EPRS1: variants seen among roughly 807,000 people sequenced by gnomAD.
The protein encoded by EPRS1 is glutamyl-prolyl-tRNA synthetase 1.
In EPRS1, 107 loss-of-function variants were observed where a neutral mutation model predicts 188.3. That is an observed-to-expected ratio of 0.57 (90% CI 0.49 to 0.67). The LOEUF is 0.67. EPRS1 is among the 30% of genes least tolerant of loss of function. EPRS1 has a pLI of 0.00. For missense variants in EPRS1, 1,577 were observed against 1,802.2 expected, an observed-to-expected ratio of 0.88 and a Z score of 2.26; for synonymous variants, 596 against 593.1, an observed-to-expected ratio of 1.00 and a Z score of -0.07.
chr1:219,993,087 T>C (rs115961540), intron 18 of EPRS1, among the ~76,000 whole-genome samples: 89 of 152,074 alleles, frequency 5.9e-4, no homozygotes, highest in African/African-American at 2.1e-3. Flanking sequence ...ATACAAAAAT[T>C]AGCCAGGCAT....
intron 10 of EPRS1, among the ~76,000 whole-genome samples, chr1:220,019,402 G>T (rs1351765653): frequency 6.6e-6 from 1 of 152,040 alleles, no homozygotes. Flanking sequence ...CATTTTCAAG[G>T]TCCCTATTCC....
chr1:220,027,741 G>A (rs770367603), intron 6 of EPRS1, among the ~76,000 whole-genome samples: 64 of 152,130 alleles, frequency 4.2e-4, no homozygotes, highest in African/African-American at 1.3e-3. Flanking sequence ...CCGACACTAT[G>A]GGAGGCCAAG....
intron 2 of EPRS1, among the ~76,000 whole-genome samples, 193 bp from the exon 3 acceptor site, chr1:220,035,206 A>G (rs1221640202): frequency 2.0e-5 from 3 of 152,182 alleles, no homozygotes; most frequent in African/African-American, 7.2e-5. Context: ...GCTGGAGTGC[A>G]ATGGTGTGAT....
chr1:220,040,764 C>A (rs138100361), intron 1 of EPRS1, among the ~76,000 whole-genome samples: 1 of 151,292 alleles, frequency 6.6e-6, no homozygotes, highest in Non-Finnish European at 1.5e-5. Context: ...GCAGGAGAAT[C>A]GCTTGAACCT....
chr1:220,040,633 C>A (rs1290427977), intron 1 of EPRS1, among the ~76,000 whole-genome samples: 2 of 151,698 alleles, frequency 1.3e-5, no homozygotes, highest in African/African-American at 4.8e-5. Context: ...GGCGGATCAC[C>A]TGAGGACAGG....
At chr1:219,998,037 T>G (rs2795314) in intron 17 of EPRS1, among the ~76,000 whole-genome samples, 121,980 of 152,090 alleles carry the variant, frequency 0.8, 49,082 homozygotes, top group East Asian at 0.93. Context: ...AAGATACTAT[T>G]TTTATTCATG....
At chr1:220,035,157 T>A (rs574341788) in intron 2 of EPRS1, 144 bp from the exon 3 acceptor site, 376 of 542,682 alleles carry the variant, frequency 6.9e-4, no homozygotes, top group Non-Finnish European at 9.5e-5. Context: ...CTGTTAATTG[T>A]TTGTTTGTTT....
Position 220,011,021 on chromosome 1 carries a change from T to C in EPRS1, c.1530A>G (p.Leu510=), listed in dbSNP as rs1452055098. 1 of 1,613,200 alleles carries C rather than the reference T, an allele frequency of 6.2e-7. No homozygotes were observed. The highest frequency in any genetic ancestry group is 1.6e-4 in the Middle Eastern group (1 of 6,062). The change falls in exon 13 of 32, where the codon TTA becomes TTG. Residue 510 remains leucine (L), a synonymous_variant. Coordinates refer to ENST00000366923, the MANE Select transcript of EPRS1 (RefSeq NM_004446.3). ...TCACTGGGATCACTTCTTTCTTCAGTAATGCAACATATCGTGGAGCCACTG... is the reference window on the plus strand; with the variant it reads ...TCACTGGGATCACTTCTTTCTTCAGCAATGCAACATATCGTGGAGCCACTG... The part of the protein sequence containing the change: ...IDPVAPRYVA[L]LKKEVIPVNV...
chr1:219,990,385 TGA>T (rs1661097033), intron 18 of EPRS1, among the ~76,000 whole-genome samples: 1 of 152,168 alleles, frequency 6.6e-6, no homozygotes, highest in Non-Finnish European at 1.5e-5. Flanking sequence ...TAAAGATTCT[TGA>T]GAGAATTTGA....
chr1:219,976,211 G>A (rs1337636673), intron 28 of EPRS1, among the ~76,000 whole-genome samples: 1 of 152,074 alleles, frequency 6.6e-6, no homozygotes, highest in African/African-American at 2.4e-5. Flanking sequence ...GGAAACCATG[G>A]ATCCATAAAA....
At chr1:219,982,895 G>T in intron 22 of EPRS1, 51 bp from the exon 23 acceptor site, 1 of 1,509,620 alleles carries the variant, frequency 6.6e-7, no homozygotes, top group Non-Finnish European at 9.2e-7. Flanking sequence ...GCATTTTGGA[G>T]CAACAGTACA....
At chr1:220,011,145 G>A in intron 12 of EPRS1, 89 bp from the exon 13 acceptor site, 1 of 704,464 alleles carries the variant, frequency 1.4e-6, no homozygotes, top group South Asian at 1.9e-5. Context: ...AATACTAACT[G>A]GCTTTCTTGT....
chr1:219,969,198 T>C (rs1340523116), intron 30 of EPRS1, 76 bp from the exon 31 acceptor site: 1 of 1,065,206 alleles, frequency 9.4e-7, no homozygotes, highest in Non-Finnish European at 1.4e-6. Flanking sequence ...ATTTGAGTTC[T>C]ATATTAAACT....
intron 1 of EPRS1, 112 bp from the exon 2 acceptor site, chr1:220,040,381 G>A (rs1220195365): frequency 2.9e-6 from 2 of 682,576 alleles, no homozygotes; most frequent in East Asian, 2.7e-5. Flanking sequence ...CCTACAAGGA[G>A]TGAACTTTTT....
intron 2 of EPRS1, among the ~76,000 whole-genome samples, chr1:220,037,280 G>A (rs555096372): frequency 5.1e-4 from 77 of 151,950 alleles, no homozygotes; most frequent in Non-Finnish European, 8.7e-4. Context: ...CGAGGTGGGC[G>A]GATCACCTGA....
Position 219,983,299 on chromosome 1 carries a change from A to G in EPRS1, c.3190T>C (p.Phe1064Leu), listed in dbSNP as rs750547439. The G allele has an allele frequency of 3.7e-6, 6 of 1,613,780 alleles. No homozygotes were observed. In the South Asian group the frequency reaches 6.6e-5, roughly 18 times the overall value. ...YAIWEAIKDF[F>L]DAEIKKLGVE... The stretch of plus-strand genomic sequence containing the variant: ...CCAAGTTTCTTGATCTCAGCATCAA[A>G]AAAGTCCTTGATGGCTTCCCAAATG... Residue 1064 changes from phenylalanine to leucine, a missense_variant, in exon 22 of 32, where the codon TTT becomes CTT. Phe to Leu is a conservative substitution (Grantham distance 22). Coordinates refer to ENST00000366923, the MANE Select transcript of EPRS1 (RefSeq NM_004446.3).
intron 28 of EPRS1, among the ~76,000 whole-genome samples, chr1:219,976,209 T>C (rs1239941134): frequency 6.6e-6 from 1 of 152,062 alleles, no homozygotes; most frequent in Non-Finnish European, 1.5e-5. Context: ...CTGGAAACCA[T>C]GGATCCATAA....
chr1:219,978,712 A>C lies in EPRS1; in HGVS notation c.3917T>G (p.Ile1306Ser). 6.2e-7 allele frequency: 1 copy of C among 1,609,718 alleles called. No individual in the cohort carries two copies. The highest frequency in any genetic ancestry group is 8.5e-7 in the Non-Finnish European group (1 of 1,177,854). The change falls in exon 28 of 32, where the codon ATT (isoleucine) becomes AGT (serine). Residue 1306 changes from isoleucine (I) to serine (S), a missense_variant. Physicochemically the swap from Ile to Ser is moderately radical, Grantham distance 142. Around this residue, in one of 3 missense-constraint regions of EPRS1, gnomAD observed 296 missense variants for 327.9 expected, o/e 0.90. Transcript: ENST00000366923. ...PPRVACVQVVIIPCGITNALS... is the reference protein window; with the variant it reads ...PPRVACVQVVSIPCGITNALS... ...TGCATTGGTAATGCCACAAGGAATA[A>C]TCACCACCTAGAATCAGCACAATGT...
intron 18 of EPRS1, among the ~76,000 whole-genome samples, chr1:219,990,510 A>G (rs1040769455): frequency 8.5e-5 from 13 of 152,128 alleles, no homozygotes; most frequent in Non-Finnish European, 1.9e-4. Context: ...ACCCTTAGAG[A>G]AGTTGTCAAG....
Sources: allele counts gnomAD v4.1 joint callset (sites outside exome capture counted in the v4.1 genomes callset), GRCh38; gene constraint gnomAD v4.1.1; regional missense constraint gnomAD v4.1.1; transcripts MANE v1.5; gene names NCBI Gene and HGNC (gene_info 2026-07-23, HGNC 2026-07-21).